The following BCL2 variants were observed in gnomAD, a reference collection of about 807,000 sequenced individuals.
BCL2 encodes the protein BCL2 apoptosis regulator, also known as apoptosis regulator Bcl-2.
Under a neutral mutation model 14.2 loss-of-function variants are expected in BCL2, and 1 was observed. The observed-to-expected ratio is 0.07, with a 90% CI of 0.02 to 0.33. The LOEUF (loss-of-function observed/expected upper bound fraction) is 0.33. BCL2 is among the 10% of genes least tolerant of loss of function. The pLI, the probability that BCL2 is intolerant of heterozygous loss-of-function variation, is 0.99. For synonymous variants in BCL2, 151 were observed against 137.2 expected (o/e 1.10, Z -0.70); for missense variants, 247 against 305.9 (o/e 0.81, Z 1.44).
chr18:63,280,805 A>G (rs1912289057), intron 2 of BCL2, among the ~76,000 whole-genome samples: 1 of 152,210 alleles, frequency 6.6e-6, no homozygotes, highest in Admixed American at 6.5e-5. Flanking sequence ...ATAGAATTAC[A>G]ATAGGATCCA....
intron 2 of BCL2, chr18:63,151,215 C>G (rs1914643768): frequency 6.6e-6 from 1 of 152,152 alleles, no homozygotes. Context: ...TGACCCTAAG[C>G]TACTTTTTTG....
At position 63,319,276 on chromosome 18, in the gene BCL2, G is replaced by C; in HGVS notation, c.-389C>G. 4.3e-6 allele frequency: 1 copy of C among 230,960 alleles called. No individual in the cohort carries two copies. 14.3% of individuals were successfully genotyped at this position (230,960 alleles called of 1,614,324 possible). A position where few individuals can be genotyped will look rare whatever the true frequency, so the allele number is the denominator to read the frequency against. On this transcript the variant is annotated 5_prime_UTR_variant, in exon 1 of 3. Transcript: ENST00000333681. Reference sequence around the variant, plus strand: ...TCCCATCAATCTTCAGCACTCTCCAGTTATAGCTGATTTGAAACTTCCCAA... The same window carrying C: ...TCCCATCAATCTTCAGCACTCTCCACTTATAGCTGATTTGAAACTTCCCAA...
At chr18:63,233,078 T>C (rs1473288720) in intron 2 of BCL2, among the ~76,000 whole-genome samples, 2 of 152,172 alleles carry the variant, frequency 1.3e-5, no homozygotes, top group Non-Finnish European at 2.9e-5. Context: ...CACTGTGCCC[T>C]CATACAGTGA....
chr18:63,188,627 T>C (rs1232112063), intron 2 of BCL2, among the ~76,000 whole-genome samples: 1 of 152,188 alleles, frequency 6.6e-6, no homozygotes, highest in East Asian at 1.9e-4. Flanking sequence ...TTGAATAATT[T>C]AATTATACTC....
rs1044387567 is a variant in BCL2 at position 63,237,207 on chromosome 18, A to G, written c.585+80875T>C. On this transcript the variant is annotated intron_variant, in intron 2 of 2. Coordinates refer to ENST00000333681, the MANE Select transcript of BCL2 (RefSeq NM_000633.3). ...GGCCGAGAGAGGCCCATTTTAAGGA[A>G]GAAGCAAGACATATGCACCATCCCA... Among the ~76,000 whole-genome samples, 6 of 152,272 alleles carry G rather than the reference A, an allele frequency of 3.9e-5. No individual in the cohort carries two copies. In the South Asian group the frequency reaches 1.2e-3, roughly 32 times the overall value.
upstream of BCL2, chr18:63,319,888 C>G (rs933290901): frequency 1.7e-5 from 3 of 175,364 alleles, no homozygotes; most frequent in African/African-American, 7.1e-5. Context: ...CGGCGCACCC[C>G]GCCTCCGGGC....
intron 2 of BCL2, among the ~76,000 whole-genome samples, chr18:63,170,182 C>G (rs1002454304): frequency 9.9e-5 from 15 of 152,032 alleles, no homozygotes; most frequent in Admixed American, 5.9e-4. Context: ...TCATTAGGTT[C>G]TTGGGAGTAT....
intron 2 of BCL2, among the ~76,000 whole-genome samples, chr18:63,228,837 T>G (rs1910615970): frequency 6.6e-6 from 1 of 152,152 alleles, no homozygotes; most frequent in African/African-American, 2.4e-5. Context: ...GCCTCTCGAG[T>G]AGCTGGGACT....
chr18:63,209,961 G>T (rs1226978409), intron 2 of BCL2, among the ~76,000 whole-genome samples: 2 of 152,184 alleles, frequency 1.3e-5, no homozygotes, highest in African/African-American at 4.8e-5. Flanking sequence ...TGCTGAAATT[G>T]GTGCATGATC....
chr18:63,272,199 A>G (rs927513218), intron 2 of BCL2, among the ~76,000 whole-genome samples: 2 of 152,196 alleles, frequency 1.3e-5, no homozygotes, highest in South Asian at 2.1e-4. Flanking sequence ...GGGAGACAGC[A>G]TATTTCAGAC....
chr18:63,292,444 C>T lies in BCL2; in HGVS notation c.585+25638G>A, dbSNP rs550062120. Among the ~76,000 whole-genome samples the T allele has an allele frequency of 7.9e-5, 12 of 152,166 alleles. No individual in the cohort carries two copies. The South Asian group carries it at 2.3e-3, about 29-fold the overall frequency. Reference sequence around the variant, plus strand: ...GGTTAATGAATATCAAGACAAAATACCTTTAGAAAGGCTTTCCTTTCTAAT... The same window carrying T: ...GGTTAATGAATATCAAGACAAAATATCTTTAGAAAGGCTTTCCTTTCTAAT... On this transcript the variant is annotated intron_variant, in intron 2 of 2. Coordinates refer to ENST00000333681, the MANE Select transcript of BCL2 (RefSeq NM_000633.3).
rs979249055 is a variant in BCL2, at chr18:63,318,741, G to A, written c.-75C>T. The A allele has an allele frequency of 8.8e-6, 14 of 1,592,422 alleles. No homozygotes were observed. In the African/African-American group the frequency reaches 1.6e-4, roughly 19 times the overall value. On this transcript the variant is annotated 5_prime_UTR_variant, in exon 2 of 3. Transcript: ENST00000333681. This position sits in a 1 kb window ranked among gnomAD's most constrained non-coding sequence, Gnocchi z 7.4. Reference sequence around the variant, plus strand: ...TCCCACCCCACGGCCCCCAGAGAAAGAAGAGGAGTTATAATCCAGCTATTT... The same window carrying A: ...TCCCACCCCACGGCCCCCAGAGAAAAAAGAGGAGTTATAATCCAGCTATTT...
chr18:63,170,854 A>G (rs367992002), intron 2 of BCL2, among the ~76,000 whole-genome samples: 8 of 152,268 alleles, frequency 5.3e-5, no homozygotes, highest in African/African-American at 1.9e-4. Flanking sequence ...TACAGGTCGC[A>G]CATGGGTGAC....
intron 2 of BCL2, among the ~76,000 whole-genome samples, chr18:63,157,418 G>A (rs1203867043): frequency 6.6e-6 from 1 of 152,218 alleles, no homozygotes; most frequent in Non-Finnish European, 1.5e-5. Flanking sequence ...ACCCCAGGAG[G>A]TGGCTTATTT....
In BCL2 at chr18:63,136,567, G is replaced by C. The variant is rs192656425; in HGVS notation, c.586-7808C>G. Among the ~76,000 whole-genome samples, 145 of 152,340 alleles carry C rather than the reference G, an allele frequency of 9.5e-4. 1 individual carries two copies. The highest frequency in any genetic ancestry group is 3.4e-3 in the African/African-American group (143 of 41,570). ...GAGATGATGCTAGGAACTCTAAGGGGAGCAGGGAAGGGAGAGAAAAAAAGG... is the reference window on the plus strand; with the variant it reads ...GAGATGATGCTAGGAACTCTAAGGGCAGCAGGGAAGGGAGAGAAAAAAAGG... On this transcript the variant is annotated intron_variant, in intron 2 of 2. Coordinates refer to ENST00000333681, the MANE Select transcript of BCL2 (RefSeq NM_000633.3).
chr18:63,277,321 A>G (rs8094489), intron 2 of BCL2, among the ~76,000 whole-genome samples: 27,989 of 152,180 alleles, frequency 0.18, 5,354 homozygotes, highest in African/African-American at 0.49. Flanking sequence ...AGCACCAAGA[A>G]CAGTGCCTGA....
At chr18:63,231,338 G>A (rs1910682611) in intron 2 of BCL2, among the ~76,000 whole-genome samples, 1 of 151,632 alleles carries the variant, frequency 6.6e-6, no homozygotes, top group South Asian at 2.1e-4. Flanking sequence ...ATTCATTATT[G>A]TATGAGATAC....
At chr18:63,171,506 A>G (rs1350138989) in intron 2 of BCL2, among the ~76,000 whole-genome samples, 1 of 152,244 alleles carries the variant, frequency 6.6e-6, no homozygotes, top group Non-Finnish European at 1.5e-5. Flanking sequence ...AGCACTTATA[A>G]TCATGAAATG....
At chr18:63,271,628 C>G (rs1459344423) in intron 2 of BCL2, among the ~76,000 whole-genome samples, 1 of 152,154 alleles carries the variant, frequency 6.6e-6, no homozygotes, top group East Asian at 1.9e-4. Context: ...AATCCCCATC[C>G]CACTTTCTGT....
Sources: allele counts gnomAD v4.1 joint callset (sites outside exome capture counted in the v4.1 genomes callset), GRCh38; gene constraint gnomAD v4.1.1; non-coding constraint Gnocchi (gnomAD v3.1); transcripts MANE v1.5; gene names NCBI Gene and HGNC (gene_info 2026-07-23, HGNC 2026-07-21).